SNAP25: variants seen among roughly 807,000 people sequenced by gnomAD.
The protein encoded by SNAP25 is synaptosomal-associated protein 25.
In SNAP25, 3 loss-of-function variants were observed where a neutral mutation model predicts 28.7. The ratio of observed to expected loss-of-function variants is 0.10; its 90% CI spans 0.05 to 0.27. SNAP25 has a LOEUF of 0.27. Among genes scored for constraint, SNAP25 ranks in the 10% least tolerant of loss-of-function variants. The pLI is 1.00. For missense variants in SNAP25, 117 were observed against 278.7 expected (o/e 0.42, Z 4.13); for synonymous variants, 61 against 88.1 (o/e 0.69, Z 1.72).
At chr20:10,272,829 C>CT (rs1348098707) in intron 1 of SNAP25, among the ~76,000 whole-genome samples, 1 of 152,088 alleles carries the variant, frequency 6.6e-6, no homozygotes, top group Non-Finnish European at 1.5e-5. Flanking sequence ...TTTGTTATTT[C>CT]TTTTTTTACT....
intron 3 of SNAP25, among the ~76,000 whole-genome samples, chr20:10,283,749 G>A (rs1336645176): frequency 6.6e-6 from 1 of 152,012 alleles, no homozygotes; most frequent in Non-Finnish European, 1.5e-5. Context: ...ATTTCTTCTG[G>A]GGGTACCATG....
intron 4 of SNAP25, among the ~76,000 whole-genome samples, chr20:10,291,010 A>T (rs1263416174): frequency 6.6e-6 from 1 of 152,180 alleles, no homozygotes; most frequent in Non-Finnish European, 1.5e-5. Flanking sequence ...TCCTTAGAAA[A>T]GAAAAAAATC....
intron 4 of SNAP25, among the ~76,000 whole-genome samples, chr20:10,290,376 A>G (rs1187491609): frequency 6.6e-6 from 1 of 152,074 alleles, no homozygotes; most frequent in African/African-American, 2.4e-5. Flanking sequence ...TGAATCAACT[A>G]TTTTCTGAAT....
chr20:10,245,539 T>TG (rs1047738729), intron 1 of SNAP25, among the ~76,000 whole-genome samples: 4 of 152,180 alleles, frequency 2.6e-5, no homozygotes, highest in Non-Finnish European at 5.9e-5. Flanking sequence ...CATTTCAAAC[T>TG]GGGGGGTCTA....
At chr20:10,273,295 C>T (rs570924291) in intron 1 of SNAP25, among the ~76,000 whole-genome samples, 92 of 152,252 alleles carry the variant, frequency 6.0e-4, no homozygotes, top group African/African-American at 2.0e-3. Flanking sequence ...GAAAGACAAA[C>T]AAAAATATGT....
At chr20:10,237,616 T>C (rs1320349012) in intron 1 of SNAP25, among the ~76,000 whole-genome samples, 1 of 152,192 alleles carries the variant, frequency 6.6e-6, no homozygotes, top group Non-Finnish European at 1.5e-5. Context: ...GTACCATTCA[T>C]TCAATATCTG....
At chr20:10,301,158 G>T (rs917249359) in intron 7 of SNAP25, among the ~76,000 whole-genome samples, 1 of 152,142 alleles carries the variant, frequency 6.6e-6, no homozygotes, top group Non-Finnish European at 1.5e-5. Context: ...TCCTGGAAAG[G>T]CAAGTGGCAT....
intron 1 of SNAP25, among the ~76,000 whole-genome samples, chr20:10,256,351 A>G (rs2041546978): frequency 6.6e-6 from 1 of 152,248 alleles, no homozygotes; most frequent in Non-Finnish European, 1.5e-5. Context: ...TCAATAAATG[A>G]TGTTGAAAAA....
At chr20:10,271,272 G>C (rs1166059842) in intron 1 of SNAP25, among the ~76,000 whole-genome samples, 1 of 152,150 alleles carries the variant, frequency 6.6e-6, no homozygotes, top group Non-Finnish European at 1.5e-5. Context: ...CTGTCTTTTA[G>C]AATGCTAACA....
At chr20:10,234,432 T>C (rs1274690891) in intron 1 of SNAP25, among the ~76,000 whole-genome samples, 1 of 152,264 alleles carries the variant, frequency 6.6e-6, no homozygotes, top group Non-Finnish European at 1.5e-5. Flanking sequence ...ATTTATTTTA[T>C]TTGGCTAGTA....
chr20:10,229,989 T>C lies in SNAP25; in HGVS notation c.-64+11012T>C, dbSNP rs554621662. ...TCTAGTTCTACTCCAAGATTAGACA[T>C]TGGGACCTACCAAAGGAGAAAGGGC... On this transcript the variant is annotated intron_variant, in intron 1 of 7. Coordinates refer to ENST00000254976, the MANE Select transcript of SNAP25 (RefSeq NM_130811.4). Among the ~76,000 whole-genome samples, 5 of 152,282 alleles carry C rather than the reference T, an allele frequency of 3.3e-5. No individual in the cohort carries two copies. In the East Asian group the frequency reaches 7.7e-4, roughly 23 times the overall value.
chr20:10,283,987 C>T (rs2063827683), intron 3 of SNAP25, among the ~76,000 whole-genome samples: 1 of 152,050 alleles, frequency 6.6e-6, no homozygotes, highest in African/African-American at 2.4e-5. Flanking sequence ...ATGAGGGATG[C>T]CTTTTAAAGA....
In SNAP25 at chr20:10,277,667, T is replaced by C. The variant is rs773601327; in HGVS notation, c.73-18T>C. ...CTGCACTCATAAAGTTTATGTTTGT[T>C]TGTTTTTTAAATCTTAGTCGCTGGA... On this transcript the variant is annotated intron_variant, in intron 2 of 7. Transcript: ENST00000254976. 6.2e-7 allele frequency: 1 copy of C among 1,611,576 alleles called. No individual in the cohort carries two copies. The highest frequency in any genetic ancestry group is 1.1e-5 in the South Asian group (1 of 90,938).
intron 1 of SNAP25, among the ~76,000 whole-genome samples, chr20:10,231,789 A>C (rs753021723): frequency 6.6e-6 from 1 of 152,168 alleles, no homozygotes; most frequent in Non-Finnish European, 1.5e-5. Context: ...TTCAGATTTC[A>C]GATTTTCAGA....
chr20:10,224,818 C>T (rs2062706303), intron 1 of SNAP25, among the ~76,000 whole-genome samples: 3 of 151,956 alleles, frequency 2.0e-5, no homozygotes, highest in South Asian at 4.2e-4. Flanking sequence ...CTAGCACATA[C>T]TGTCTCCTAC....
chr20:10,296,860 T>A (rs1163855689), intron 5 of SNAP25, 65 bp from the exon 6 acceptor site: 1 of 1,605,700 alleles, frequency 6.2e-7, no homozygotes, highest in East Asian at 2.2e-5. Flanking sequence ...CTTGAAGAAG[T>A]GACAATTGTT....
At chr20:10,240,071 C>T (rs539651433) in intron 1 of SNAP25, among the ~76,000 whole-genome samples, 1 of 152,312 alleles carries the variant, frequency 6.6e-6, no homozygotes, top group South Asian at 2.1e-4. Flanking sequence ...GTGCAGGGGT[C>T]AGCTAGGGCA....
rs372293831 is a variant in SNAP25, at chr20:10,266,248, CA to C, written c.-63-9180del. On this transcript the variant is annotated intron_variant, in intron 1 of 7. Coordinates refer to ENST00000254976, the MANE Select transcript of SNAP25 (RefSeq NM_130811.4). ...GAGGGGACTTAGGGAGTTGTCTCAGCAGCAGTCACTGTGCTTAACAATATAT... is the reference window on the plus strand; with the variant it reads ...GAGGGGACTTAGGGAGTTGTCTCAGCGCAGTCACTGTGCTTAACAATATAT... Among the ~76,000 whole-genome samples, 668 of 152,308 alleles carry C rather than the reference CA, an allele frequency of 4.4e-3. 5 individuals carry two copies. The highest frequency in any genetic ancestry group is 0.015 in the African/African-American group (603 of 41,562).
At chr20:10,255,686 G>A (rs534863914) in intron 1 of SNAP25, among the ~76,000 whole-genome samples, 26 of 152,214 alleles carry the variant, frequency 1.7e-4, no homozygotes, top group African/African-American at 6.0e-4. Context: ...AGGAATCGTG[G>A]GTTAGAAGAT....
Sources: allele counts gnomAD v4.1 joint callset (sites outside exome capture counted in the v4.1 genomes callset), GRCh38; gene constraint gnomAD v4.1.1; transcripts MANE v1.5; gene names NCBI Gene and HGNC (gene_info 2026-07-23, HGNC 2026-07-21).